TEX53: variants seen among roughly 807,000 people sequenced by gnomAD.
TEX53 encodes testis-expressed protein 53.
In TEX53 at chr9:114,657,674, C is replaced by G. The variant is rs1007829616; in HGVS notation, c.101G>C (p.Arg34Pro). 1 of 398,490 alleles carries G rather than the reference C, an allele frequency of 2.5e-6. No individual in the cohort carries two copies. Among genetic ancestry groups the G allele is most frequent in the Non-Finnish European group, 4.4e-6 (1 of 226,090 alleles). 24.7% of individuals were successfully genotyped at this position (398,490 alleles called of 1,614,324 possible). Reference sequence around the variant, plus strand: ...CCACGTCTGGAACCTACTGAAGGACCGTGGATGATGCTGTTCGAACATTCT... The same window carrying G: ...CCACGTCTGGAACCTACTGAAGGACGGTGGATGATGCTGTTCGAACATTCT... ...NPRMFEQHHP[R>P]SFNLNTNSLH... The change falls in exon 1 of 2, where the codon CGG becomes CCG. Residue 34 changes from arginine (R) to proline (P), a missense_variant. Transcript: ENST00000423632.
intron 1 of TEX53, 32 bp from the exon 2 acceptor site, chr9:114,656,664 G>C (rs1288796648): frequency 5.0e-6 from 2 of 398,314 alleles, no homozygotes; most frequent in Non-Finnish European, 8.9e-6. Context: ...CTTATCCTGG[G>C]TAAAGGCTTT....
rs760421053 is a variant in TEX53 at position 114,657,735 on chromosome 9, C to T, written c.40G>A (p.Glu14Lys). ...KIFCCCRKTS[E>K]GSSTTVGFHN... is the part of the protein sequence containing the mutation. ...AAGCCAACAGTGGTGGAAGACCCCTCGCTGGTCTTGCGGCAACAACAGAAG... is the reference window on the plus strand; with the variant it reads ...AAGCCAACAGTGGTGGAAGACCCCTTGCTGGTCTTGCGGCAACAACAGAAG... Residue 14 changes from glutamate (E) to lysine (K), a missense_variant, in exon 1 of 2, where the codon GAG becomes AAG. Physicochemically the swap from Glu to Lys is moderately conservative, Grantham distance 56. Transcript: ENST00000423632. The T allele has an allele frequency of 1.8e-5, 7 of 398,696 alleles. No homozygotes were observed. Among genetic ancestry groups the T allele is most frequent in the East Asian group, 1.1e-4 (3 of 28,070 alleles). 24.7% of individuals were successfully genotyped at this position (398,696 alleles called of 1,614,324 possible). A position where few individuals can be genotyped will look rare whatever the true frequency, so the allele number is the denominator to read the frequency against.
Position 114,657,223 on chromosome 9 carries a change from C to T in TEX53, c.109+443G>A, listed in dbSNP as rs144178545. ...GGGGCCATATGCATTCACTTACACA[C>T]GGTGCCTGCCTTCATCCTCCTAACA... is the stretch of plus-strand genomic sequence containing the variant. On this transcript the variant is annotated intron_variant, in intron 1 of 1. Coordinates refer to ENST00000423632, the MANE Select transcript of TEX53 (RefSeq NM_001354645.2). Among the ~76,000 whole-genome samples the T allele has an allele frequency of 3.8e-3, 581 of 152,174 alleles. 5 individuals carry two copies. The highest frequency in any genetic ancestry group is 4.6e-3 in the Non-Finnish European group (310 of 68,000).
At position 114,657,801 on chromosome 9, in the gene TEX53, A is replaced by G; in HGVS notation, c.-27T>C. ...TTTTGGTGCGCGGTGGGAGGAGGAAAGGGCACTGGGGCTCCTGGCTCTGCA... is the reference window on the plus strand; with the variant it reads ...TTTTGGTGCGCGGTGGGAGGAGGAAGGGGCACTGGGGCTCCTGGCTCTGCA... On this transcript the variant is annotated 5_prime_UTR_variant, in exon 1 of 2. Coordinates refer to ENST00000423632, the MANE Select transcript of TEX53 (RefSeq NM_001354645.2). 2.5e-6 allele frequency: 1 copy of G among 398,814 alleles called. No individual in the cohort carries two copies. The highest frequency in any genetic ancestry group is 4.4e-6 in the Non-Finnish European group (1 of 226,170). The allele number at this position is 398,814 out of a possible 1,614,324, so 24.7% of individuals were successfully genotyped here.
intron 1 of TEX53, among the ~76,000 whole-genome samples, chr9:114,657,257 A>G (rs1589372127): frequency 6.6e-6 from 1 of 152,310 alleles, no homozygotes; most frequent in African/African-American, 2.4e-5. Context: ...CAGCCTGCAC[A>G]GTGGGCAATA....
rs950297518 is a variant in TEX53, at chr9:114,656,539, C to T, written c.203G>A (p.Arg68Lys). 1.3e-5 allele frequency: 5 copies of T among 398,504 alleles called. No homozygotes were observed. The highest frequency in any genetic ancestry group is 3.6e-5 in the East Asian group (1 of 28,074). 24.7% of individuals were successfully genotyped at this position (398,504 alleles called of 1,614,324 possible). ...CGCCGGCTAGAATGCTCATGGCCTC[C>T]TAAGGATGCACGCCTTGAGCATCAT... ...NRMMLKACIL[R>K]RP The change falls in exon 2 of 2, where the codon AGG becomes AAG. Residue 68 changes from arginine (R) to lysine (K), a missense_variant. Physicochemically the swap from Arg to Lys is conservative, Grantham distance 26. Coordinates refer to ENST00000423632, the MANE Select transcript of TEX53 (RefSeq NM_001354645.2).
chr9:114,657,581 C>T, intron 1 of TEX53, 85 bp downstream of exon 1: 1 of 397,994 alleles, frequency 2.5e-6, no homozygotes, highest in Non-Finnish European at 4.4e-6. Context: ...GACTATGTCC[C>T]AGCAGGAGGT....
At position 114,657,763 on chromosome 9, in the gene TEX53, C is replaced by A; in HGVS notation, c.12G>T (p.Lys4Asn). 1 of 398,764 alleles carries A rather than the reference C, an allele frequency of 2.5e-6. No individual in the cohort carries two copies. The highest frequency in any genetic ancestry group is 4.4e-6 in the Non-Finnish European group (1 of 226,140). The allele number at this position is 398,764 out of a possible 1,614,324, so 24.7% of individuals were successfully genotyped here. A position where few individuals can be genotyped will look rare whatever the true frequency, so the allele number is the denominator to read the frequency against. MGS[K>N]IFCCCRKTSE... ...TGGTCTTGCGGCAACAACAGAAGAT[C>A]TTGGACCCCATGTTTTGGTGCGCGG... is the stretch of plus-strand genomic sequence containing the variant. The change falls in exon 1 of 2, where the codon AAG becomes AAT. Residue 4 changes from lysine to asparagine, a missense_variant. Coordinates refer to ENST00000423632, the MANE Select transcript of TEX53 (RefSeq NM_001354645.2).
rs192858357 is a variant in TEX53, at chr9:114,657,775, G to A, written c.-1C>T. The A allele has an allele frequency of 7.8e-5, 31 of 398,814 alleles. No homozygotes were observed. The highest frequency in any genetic ancestry group is 6.3e-4 in the Middle Eastern group (1 of 1,592). 24.7% of individuals were successfully genotyped at this position (398,814 alleles called of 1,614,324 possible). A position where few individuals can be genotyped will look rare whatever the true frequency, so the allele number is the denominator to read the frequency against. On this transcript the variant is annotated 5_prime_UTR_variant, in exon 1 of 2. Transcript: ENST00000423632. ...AACAACAGAAGATCTTGGACCCCATGTTTTGGTGCGCGGTGGGAGGAGGAA... is the reference window on the plus strand; with the variant it reads ...AACAACAGAAGATCTTGGACCCCATATTTTGGTGCGCGGTGGGAGGAGGAA...
rs546661335 is a variant in TEX53 at position 114,656,403 on chromosome 9, G to A, written c.*126C>T. 5 of 392,564 alleles carry A rather than the reference G, an allele frequency of 1.3e-5. No individual in the cohort carries two copies. Among genetic ancestry groups the A allele is most frequent in the East Asian group, 3.6e-5 (1 of 27,662 alleles). 24.3% of individuals were successfully genotyped at this position (392,564 alleles called of 1,614,324 possible). A position where few individuals can be genotyped will look rare whatever the true frequency, so the allele number is the denominator to read the frequency against. On this transcript the variant is annotated 3_prime_UTR_variant, in exon 2 of 2. Transcript: ENST00000423632. ...GTGGTGGCACAGGGATGGCTCAGAC[G>A]TCTTCTCCTCCTGCAGGGGAGTTTC...
chr9:114,657,578 T>A (rs1827727404), intron 1 of TEX53, 88 bp downstream of exon 1: 1 of 397,762 alleles, frequency 2.5e-6, no homozygotes, highest in Non-Finnish European at 4.4e-6. Context: ...TCTGACTATG[T>A]CCCAGCAGGA....
rs551089067 is a variant in TEX53 at position 114,656,566 on chromosome 9, C to T, written c.176G>A (p.Arg59His). Residue 59 changes from arginine (R) to histidine (H), a missense_variant, in exon 2 of 2, where the codon CGC becomes CAC. Arg to His is a conservative substitution (Grantham distance 29, BLOSUM62 0). Coordinates refer to ENST00000423632, the MANE Select transcript of TEX53 (RefSeq NM_001354645.2). Reference sequence around the variant, plus strand: ...AAGGATGCACGCCTTGAGCATCATGCGGTTGTCATAGGGGAGGCGTGGATG... The same window carrying T: ...AAGGATGCACGCCTTGAGCATCATGTGGTTGTCATAGGGGAGGCGTGGATG... ...KRHPRLPYDN[R>H]MMLKACILRR... 3 of 398,518 alleles carry T rather than the reference C, an allele frequency of 7.5e-6. No homozygotes were observed. Among genetic ancestry groups the T allele is most frequent in the Non-Finnish European group, 1.3e-5 (3 of 226,048 alleles). 24.7% of individuals were successfully genotyped at this position (398,518 alleles called of 1,614,324 possible).
In TEX53 at chr9:114,657,066, C is replaced by T. The variant is rs1399294611; in HGVS notation, c.110-434G>A. On this transcript the variant is annotated intron_variant, in intron 1 of 1. Transcript: ENST00000423632. ...TAATTTTTTGTATTTTTAGTAGAGA[C>T]GGGGTTTCACCGTGTTAGCCAGGAT... 2.6e-5 allele frequency among the ~76,000 whole-genome samples: 4 copies of T among 151,976 alleles called. No homozygotes were observed. In the East Asian group the frequency reaches 5.8e-4, roughly 22 times the overall value.
intron 1 of TEX53, 48 bp from the exon 2 acceptor site, chr9:114,656,680 A>G: frequency 2.5e-6 from 1 of 398,280 alleles, no homozygotes; most frequent in South Asian, 1.3e-4. Flanking sequence ...GCTTTGAGTG[A>G]TGCGCGTATA....
chr9:114,656,686 G>A lies in TEX53; in HGVS notation c.110-54C>T, dbSNP rs144006427. 3.2e-4 allele frequency: 126 copies of A among 397,850 alleles called. 2 individuals are homozygous for A. Among genetic ancestry groups the A allele is most frequent in the East Asian group, 2.6e-3 (73 of 28,034 alleles). 24.6% of individuals were successfully genotyped at this position (397,850 alleles called of 1,614,324 possible). ...TGGGTAAAGGCTTTGAGTGATGCGC[G>A]TATAACCTATCTTGGCCATACTCCA... On this transcript the variant is annotated intron_variant, in intron 1 of 1. Coordinates refer to ENST00000423632, the MANE Select transcript of TEX53 (RefSeq NM_001354645.2).
chr9:114,656,455 A>G lies in TEX53; in HGVS notation c.*74T>C, dbSNP rs1192845690. Reference sequence around the variant, plus strand: ...GAATCAGTCTTCATGACTCTTGTCCACTGCCCTCTTCCTCATGGAAGCCCA... The same window carrying G: ...GAATCAGTCTTCATGACTCTTGTCCGCTGCCCTCTTCCTCATGGAAGCCCA... On this transcript the variant is annotated 3_prime_UTR_variant, in exon 2 of 2. Coordinates refer to ENST00000423632, the MANE Select transcript of TEX53 (RefSeq NM_001354645.2). 4 of 397,402 alleles carry G rather than the reference A, an allele frequency of 1.0e-5. No individual in the cohort carries two copies. Among genetic ancestry groups the G allele is most frequent in the South Asian group, 1.3e-4 (1 of 7,784 alleles). 24.6% of individuals were successfully genotyped at this position (397,402 alleles called of 1,614,324 possible).
chr9:114,657,066 CG>C (rs1427762524), intron 1 of TEX53, among the ~76,000 whole-genome samples: 2 of 151,976 alleles, frequency 1.3e-5, no homozygotes, highest in Non-Finnish European at 2.9e-5. Context: ...TTAGTAGAGA[CG>C]GGGTTTCACC....
At chr9:114,656,961 C>T (rs944577015) in intron 1 of TEX53, among the ~76,000 whole-genome samples, 1 of 152,142 alleles carries the variant, frequency 6.6e-6, no homozygotes, top group African/African-American at 2.4e-5. Flanking sequence ...ACTGCAAGCT[C>T]CGCCTCCTCG....
At chr9:114,656,685 C>T (rs761616440) in intron 1 of TEX53, 53 bp from the exon 2 acceptor site, 68 of 397,840 alleles carry the variant, frequency 1.7e-4, no homozygotes, top group Admixed American at 2.6e-4. Flanking sequence ...GAGTGATGCG[C>T]GTATAACCTA....
Sources: gnomAD v4.1 joint callset for allele counts (sites outside exome capture counted in the v4.1 genomes callset) on GRCh38, gnomAD v4.1.1 for gene constraint, MANE v1.5 for transcripts, NCBI Gene and HGNC (gene_info 2026-07-23, HGNC 2026-07-21) for gene names.